Variants in SND1 observed in about 807,000 individuals in gnomAD.
The protein encoded by SND1 is staphylococcal nuclease domain-containing protein 1.
In SND1, 38 loss-of-function variants were observed where a neutral mutation model predicts 121.7. The ratio of observed to expected loss-of-function variants is 0.31; its 90% CI spans 0.24 to 0.41. The LOEUF is 0.41. SND1 is among the 10% of genes least tolerant of loss of function. The pLI, the probability that SND1 is intolerant of heterozygous loss-of-function variation, is 1.00. For synonymous variants in SND1, 401 were observed against 447.4 expected, an observed-to-expected ratio of 0.90 and a Z score of 1.31; for missense variants, 868 against 1,184.6, an observed-to-expected ratio of 0.73 and a Z score of 3.92.
At chr7:127,760,443 A>G (rs2116475221) in intron 10 of SND1, among the ~76,000 whole-genome samples, 1 of 152,334 alleles carries the variant, frequency 6.6e-6, no homozygotes, top group East Asian at 1.9e-4. Flanking sequence ...GACATTTAAC[A>G]AACATTACTG....
chr7:127,706,401 C>T (rs138300909), intron 8 of SND1, among the ~76,000 whole-genome samples: 2,567 of 151,928 alleles, frequency 0.017, 91 homozygotes, highest in African/African-American at 0.059. Flanking sequence ...GGACTACAGG[C>T]GCATGCCACC....
chr7:127,888,574 A>G (rs1043354684), intron 13 of SND1, among the ~76,000 whole-genome samples: 4 of 152,254 alleles, frequency 2.6e-5, no homozygotes, highest in Admixed American at 2.0e-4. Flanking sequence ...CCCCAAGGAC[A>G]TGCATGCTGC....
intron 16 of SND1, among the ~76,000 whole-genome samples, chr7:128,011,130 G>T (rs1482208700): frequency 1.3e-5 from 2 of 149,282 alleles, no homozygotes; most frequent in African/African-American, 2.5e-5. Flanking sequence ...ACACACCACA[G>T]GCCTATATAA....
chr7:127,678,783 T>G (rs1189485544), intron 1 of SND1, among the ~76,000 whole-genome samples: 3 of 152,244 alleles, frequency 2.0e-5, no homozygotes, highest in Non-Finnish European at 2.9e-5. Context: ...ATATGCATTT[T>G]GAAATATTCC....
intron 10 of SND1, among the ~76,000 whole-genome samples, chr7:127,768,329 A>T (rs1050196129): frequency 1.3e-5 from 2 of 152,192 alleles, no homozygotes; most frequent in African/African-American, 4.8e-5. Flanking sequence ...TACAAGTAGG[A>T]GAGGATTACA....
intron 10 of SND1, among the ~76,000 whole-genome samples, chr7:127,794,810 AG>A (rs1300520230): frequency 6.6e-6 from 1 of 152,204 alleles, no homozygotes; most frequent in Non-Finnish European, 1.5e-5. Context: ...GAAATGTGGG[AG>A]AAGATTTCTC....
intron 1 of SND1, among the ~76,000 whole-genome samples, chr7:127,665,420 C>T (rs1763132539): frequency 6.6e-6 from 1 of 152,140 alleles, no homozygotes; most frequent in East Asian, 1.9e-4. Context: ...ATCTCCTGAC[C>T]TCGTGATCTG....
intron 9 of SND1, among the ~76,000 whole-genome samples, chr7:127,720,981 C>T (rs1796485697): frequency 6.6e-6 from 1 of 152,100 alleles, no homozygotes; most frequent in South Asian, 2.1e-4. Context: ...CATGTAGAGA[C>T]AGGATTTCCA....
At chr7:127,969,611 C>T (rs1220164690) in intron 15 of SND1, among the ~76,000 whole-genome samples, 2 of 152,146 alleles carry the variant, frequency 1.3e-5, no homozygotes, top group Non-Finnish European at 2.9e-5. Flanking sequence ...GTAGTCCTAG[C>T]TACTTACTCG....
rs892913595 is a variant in SND1, at chr7:128,091,758, C to A, written c.2623-79C>A. ...AGCAAGGGAGAGCTCTGGCGCTTAC[C>A]TAAGCATTCTGCAGGGTCCTGCTGG... On this transcript the variant is annotated intron_variant, in intron 22 of 23. Transcript: ENST00000354725. The A allele has an allele frequency of 5.4e-6, 8 of 1,476,504 alleles. No individual in the cohort carries two copies. In the African/African-American group the frequency reaches 8.3e-5, roughly 15 times the overall value. 91.5% of individuals were successfully genotyped at this position (1,476,504 alleles called of 1,614,324 possible). A position where few individuals can be genotyped will look rare whatever the true frequency, so the allele number is the denominator to read the frequency against.
intron 16 of SND1, among the ~76,000 whole-genome samples, chr7:128,071,451 TAAGAG>T (rs1399409062): frequency 6.6e-6 from 1 of 152,252 alleles, no homozygotes; most frequent in African/African-American, 2.4e-5. Context: ...ATCTTTTAAT[TAAGAG>T]AAGATGTCAG....
intron 15 of SND1, among the ~76,000 whole-genome samples, chr7:127,955,300 T>G (rs1043659362): frequency 6.6e-6 from 1 of 152,236 alleles, no homozygotes; most frequent in East Asian, 1.9e-4. Context: ...AGGTTGTTCC[T>G]GCGCTGTGTA....
At chr7:127,726,381 G>A (rs958421306) in intron 10 of SND1, among the ~76,000 whole-genome samples, 1 of 152,348 alleles carries the variant, frequency 6.6e-6, no homozygotes, top group East Asian at 1.9e-4. Flanking sequence ...CGTAGGAGAC[G>A]TTAACTCTTT....
chr7:127,707,671 T>G (rs1796224343), intron 9 of SND1, 24 bp downstream of exon 9: 1 of 1,569,716 alleles, frequency 6.4e-7, no homozygotes. Context: ...AGCATCTTGA[T>G]ATGCATAGTG....
intron 11 of SND1, among the ~76,000 whole-genome samples, chr7:127,811,895 G>A (rs1798341237): frequency 6.6e-6 from 1 of 152,174 alleles, no homozygotes; most frequent in Non-Finnish European, 1.5e-5. Context: ...CTGTGAAGTA[G>A]ACTATTTTTT....
chr7:127,887,925 G>A lies in SND1; in HGVS notation c.1367G>A (p.Ser456Asn). 6.2e-7 allele frequency: 1 copy of A among 1,611,824 alleles called. No individual in the cohort carries two copies. Among genetic ancestry groups the A allele is most frequent in the South Asian group, 1.1e-5 (1 of 91,010 alleles). ...GGINIAEALV[S>N]KGLATVIRYR... is the part of the protein sequence containing the mutation. Reference sequence around the variant, plus strand: ...AGAAACATTGCTGAGGCTCTTGTCAGCAAAGGTCTAGCCACAGTGATCAGA... The same window carrying A: ...AGAAACATTGCTGAGGCTCTTGTCAACAAAGGTCTAGCCACAGTGATCAGA... Residue 456 changes from serine (S) to asparagine (N), a missense_variant, in exon 13 of 24, where the codon AGC becomes AAC. Ser to Asn is a conservative substitution (Grantham distance 46). Coordinates refer to ENST00000354725, the MANE Select transcript of SND1 (RefSeq NM_014390.4).
At chr7:128,000,090 A>AAC (rs1802787946) in intron 16 of SND1, 1 of 151,798 alleles carries the variant, frequency 6.6e-6, no homozygotes, top group African/African-American at 2.4e-5. Context: ...AAAAAAAAAA[A>AAC]AAAAAAAAGG....
intron 11 of SND1, among the ~76,000 whole-genome samples, chr7:127,833,915 C>G (rs1389034821): frequency 1.3e-5 from 2 of 152,110 alleles, no homozygotes; most frequent in Non-Finnish European, 2.9e-5. Flanking sequence ...AAGAATTTGA[C>G]TACTCTAGGT....
In SND1 at chr7:127,913,377, G is replaced by A. The variant is rs1348768541; in HGVS notation, c.1527+8558G>A. Among the ~76,000 whole-genome samples the A allele has an allele frequency of 2.0e-5, 3 of 152,172 alleles. No homozygotes were observed. The East Asian group carries it at 5.8e-4, about 29-fold the overall frequency. ...CAACAGGGTCCTAGCTTTTAGTGAA[G>A]TGTACTGAGCTATAATGATTTTTGC... On this transcript the variant is annotated intron_variant, in intron 14 of 23. Coordinates refer to ENST00000354725, the MANE Select transcript of SND1 (RefSeq NM_014390.4).
Sources: allele counts gnomAD v4.1 joint callset (sites outside exome capture counted in the v4.1 genomes callset), GRCh38; gene constraint gnomAD v4.1.1; transcripts MANE v1.5; gene names NCBI Gene and HGNC (gene_info 2026-07-23, HGNC 2026-07-21).